PLEKHA1: variants seen among roughly 807,000 people sequenced by gnomAD.
PLEKHA1 encodes the protein pleckstrin homology domain-containing family A member 1.
A neutral mutation model predicts 52.0 loss-of-function variants in PLEKHA1; 34 were observed. The observed-to-expected ratio is 0.65, with a 90% CI of 0.50 to 0.87. The LOEUF (loss-of-function observed/expected upper bound fraction) is 0.87. Among genes scored for constraint, PLEKHA1 ranks in the 40% least tolerant of loss-of-function variants. The pLI is 0.00. For synonymous variants in PLEKHA1, 163 were observed against 170.7 expected (o/e 0.95, Z 0.35); for missense variants, 497 against 504.2 (o/e 0.99, Z 0.14).
At chr10:122,422,916 T>A (rs951184320) in intron 8 of PLEKHA1, 1 of 152,192 alleles carries the variant, frequency 6.6e-6, no homozygotes, top group African/African-American at 2.4e-5. Flanking sequence ...AATCTATATA[T>A]ATACATATAC....
intron 1 of PLEKHA1, among the ~76,000 whole-genome samples, chr10:122,384,146 C>A (rs2096654730): frequency 6.6e-6 from 1 of 152,068 alleles, no homozygotes; most frequent in African/African-American, 2.4e-5. Flanking sequence ...GTACAATGTT[C>A]ATGTCTTTTA....
At position 122,429,670 on chromosome 10, in the gene PLEKHA1, C is replaced by G. The variant is rs1472338473; in HGVS notation, c.947C>G (p.Thr316Ser). 1.2e-6 allele frequency: 2 copies of G among 1,613,982 alleles called. No homozygotes were observed. Among genetic ancestry groups the G allele is most frequent in the Non-Finnish European group, 1.7e-6 (2 of 1,180,032 alleles). ...PSESKHAFRP[T>S]NAATATSHST... ...GAATCCAAACACGCTTTCCGTCCTA[C>G]CAACGCAGCCACCGCCACCTCACAT... Residue 316 changes from threonine to serine, a missense_variant, in exon 12 of 12, where the codon ACC becomes AGC. Thr to Ser is a moderately conservative substitution (Grantham distance 58, BLOSUM62 1). Transcript: ENST00000368990.
chr10:122,395,778 A>G (rs750773021), intron 2 of PLEKHA1, among the ~76,000 whole-genome samples: 1 of 152,112 alleles, frequency 6.6e-6, no homozygotes, highest in Admixed American at 6.6e-5. Flanking sequence ...AATTCTTTCT[A>G]GTGTTTATTA....
chr10:122,379,370 T>G (rs2096583391), intron 1 of PLEKHA1, among the ~76,000 whole-genome samples: 1 of 152,234 alleles, frequency 6.6e-6, no homozygotes, highest in Non-Finnish European at 1.5e-5. Flanking sequence ...TAAGTCTGCC[T>G]TCTTTCTGTG....
In PLEKHA1 at chr10:122,424,018, G is replaced by A. The variant is rs2097300784; in HGVS notation, c.682-181G>A. The A allele has an allele frequency of 3.9e-6, 3 of 764,312 alleles. No individual in the cohort carries two copies. In the Admixed American group the frequency reaches 9.0e-5, roughly 23 times the overall value. 47.3% of individuals were successfully genotyped at this position (764,312 alleles called of 1,614,324 possible). On this transcript the variant is annotated intron_variant, in intron 8 of 11. Coordinates refer to ENST00000368990, the MANE Select transcript of PLEKHA1 (RefSeq NM_001001974.4). The stretch of plus-strand genomic sequence containing the variant: ...TGTTTCAAACAACAGTGTATATAAG[G>A]TTATAGTGTTTGAGCTATTCAGATG...
intron 5 of PLEKHA1, 134 bp from the exon 6 acceptor site, chr10:122,412,786 C>A: frequency 1.1e-6 from 1 of 870,828 alleles, no homozygotes; most frequent in Non-Finnish European, 1.7e-6. Context: ...TTAAGGAGTA[C>A]ATACATGGAC....
At chr10:122,425,713 C>CAAAAAA (rs11367637) in intron 10 of PLEKHA1, 4 of 99,308 alleles carry the variant, frequency 4.0e-5, no homozygotes, top group African/African-American at 7.7e-5. Context: ...GACCCTGTCT[C>CAAAAAA]AAAAAAAAAA....
chr10:122,409,475 T>G (rs755720028), intron 5 of PLEKHA1, among the ~76,000 whole-genome samples: 23 of 152,234 alleles, frequency 1.5e-4, no homozygotes, highest in Non-Finnish European at 3.2e-4. Context: ...AACATAAATA[T>G]GGTGGTTTCT....
intron 2 of PLEKHA1, among the ~76,000 whole-genome samples, chr10:122,395,222 C>T (rs1304124712): frequency 6.6e-6 from 1 of 152,052 alleles, no homozygotes; most frequent in African/African-American, 2.4e-5. Flanking sequence ...CTTTTAAAAT[C>T]CAGATCTCTA....
intron 1 of PLEKHA1, chr10:122,387,406 A>T (rs920027334): frequency 1.3e-5 from 2 of 152,068 alleles, no homozygotes; most frequent in African/African-American, 4.8e-5. Context: ...CCCATATTTT[A>T]TTTAAAAGTG....
chr10:122,392,895 C>T (rs1307474254), intron 1 of PLEKHA1, among the ~76,000 whole-genome samples: 1 of 151,822 alleles, frequency 6.6e-6, no homozygotes, highest in African/African-American at 2.4e-5. Flanking sequence ...TTTTTTTTGG[C>T]TCACCTGGGG....
At chr10:122,394,587 A>T (rs1247366446) in intron 2 of PLEKHA1, among the ~76,000 whole-genome samples, 1 of 152,152 alleles carries the variant, frequency 6.6e-6, no homozygotes, top group African/African-American at 2.4e-5. Flanking sequence ...ACAGAGCAGG[A>T]ACTAGGTCTG....
At chr10:122,376,636 T>G (rs1411373443) in intron 1 of PLEKHA1, among the ~76,000 whole-genome samples, 1 of 152,030 alleles carries the variant, frequency 6.6e-6, no homozygotes, top group African/African-American at 2.4e-5. Flanking sequence ...GGGGGGAAAG[T>G]AGCAGGTTTG....
intron 3 of PLEKHA1, among the ~76,000 whole-genome samples, chr10:122,399,035 T>C (rs2134192158): frequency 6.6e-6 from 1 of 152,290 alleles, no homozygotes; most frequent in South Asian, 2.1e-4. Flanking sequence ...CTCTCCTCCA[T>C]TGCTCTTCTT....
chr10:122,419,522 A>G (rs2097227549), intron 8 of PLEKHA1: 1 of 152,036 alleles, frequency 6.6e-6, no homozygotes, highest in East Asian at 1.9e-4. Flanking sequence ...TACTCCCGGG[A>G]AGAGTCATTC....
At chr10:122,423,050 T>TTAA (rs2097282996) in intron 8 of PLEKHA1, 1 of 152,076 alleles carries the variant, frequency 6.6e-6, no homozygotes, top group Non-Finnish European at 1.5e-5. Flanking sequence ...AGTCTCTTAT[T>TTAA]AAGTGTGAAA....
chr10:122,394,842 T>G (rs1041145424), intron 2 of PLEKHA1, among the ~76,000 whole-genome samples: 1 of 152,220 alleles, frequency 6.6e-6, no homozygotes, highest in East Asian at 1.9e-4. Context: ...TGAAGCTCCT[T>G]GATTATTTTT....
chr10:122,376,351 A>G (rs2096534239), intron 1 of PLEKHA1, among the ~76,000 whole-genome samples: 1 of 151,972 alleles, frequency 6.6e-6, no homozygotes, highest in Non-Finnish European at 1.5e-5. Context: ...CATTTAAAAA[A>G]GAGTATTTAA....
At chr10:122,423,142 A>T (rs1483629076) in intron 8 of PLEKHA1, 1 of 149,454 alleles carries the variant, frequency 6.7e-6, no homozygotes, top group Admixed American at 6.7e-5. Context: ...AAGCACTCCC[A>T]GCTGGGCGTG....
Sources: allele counts gnomAD v4.1 joint callset (sites outside exome capture counted in the v4.1 genomes callset), GRCh38; gene constraint gnomAD v4.1.1; transcripts MANE v1.5; gene names NCBI Gene and HGNC (gene_info 2026-07-23, HGNC 2026-07-21).